Variants in CPNE4 observed in about 807,000 individuals in gnomAD.
The protein encoded by CPNE4 is copine-4.
In CPNE4, 25 loss-of-function variants were observed where a neutral mutation model predicts 67.9. The observed-to-expected ratio is 0.37, with a 90% CI of 0.27 to 0.51. CPNE4 has a LOEUF of 0.51. Ranked by LOEUF, CPNE4 falls within the 20% of genes least tolerant of loss-of-function variation. The probability of loss-of-function intolerance (pLI) is 0.93; values close to 1 mark genes in which losing one functional copy is unlikely to be tolerated. For missense variants in CPNE4, 464 were observed against 690.8 expected, an observed-to-expected ratio of 0.67 and a Z score of 3.68; for synonymous variants, 242 against 244.9, an observed-to-expected ratio of 0.99 and a Z score of 0.11.
intron 3 of CPNE4, among the ~76,000 whole-genome samples, chr3:131,714,340 G>C (rs570131239): frequency 7.5e-4 from 114 of 152,140 alleles, no homozygotes; most frequent in Non-Finnish European, 1.3e-3. Context: ...ATGTCAGGAA[G>C]GAAACCAATG....
chr3:131,947,870 T>C (rs1052495447), intron 1 of CPNE4, among the ~76,000 whole-genome samples: 3 of 152,150 alleles, frequency 2.0e-5, no homozygotes, highest in African/African-American at 7.2e-5. Flanking sequence ...AAAAGTGTTC[T>C]TATTTATCCA....
At chr3:131,904,422 C>G (rs769425897) in intron 2 of CPNE4, among the ~76,000 whole-genome samples, 1 of 152,132 alleles carries the variant, frequency 6.6e-6, no homozygotes, top group Non-Finnish European at 1.5e-5. Flanking sequence ...GAACGAGTCA[C>G]TTCTTCAGTC....
intron 1 of CPNE4, among the ~76,000 whole-genome samples, chr3:132,022,995 T>TAATG (rs2074030029): frequency 6.6e-6 from 1 of 152,210 alleles, no homozygotes; most frequent in Non-Finnish European, 1.5e-5. Context: ...CAGTTAAACT[T>TAATG]AATGATGCTA....
At chr3:131,945,188 T>C (rs934960853) in intron 1 of CPNE4, among the ~76,000 whole-genome samples, 1 of 105,160 alleles carries the variant, frequency 9.5e-6, no homozygotes, top group Non-Finnish European at 1.9e-5. Context: ...CCACATACTA[T>C]ACCAGATACT....
intron 2 of CPNE4, among the ~76,000 whole-genome samples, chr3:131,752,849 G>A (rs1008697205): frequency 6.6e-6 from 1 of 152,034 alleles, no homozygotes; most frequent in African/African-American, 2.4e-5. Context: ...CGAATTTAGT[G>A]CAATTGTAAT....
At chr3:131,577,289 A>G (rs1282336597) in intron 9 of CPNE4, among the ~76,000 whole-genome samples, 4 of 151,460 alleles carry the variant, frequency 2.6e-5, no homozygotes. Flanking sequence ...ACACACATAA[A>G]CACACACATA....
chr3:131,682,266 C>T (rs892078606), intron 6 of CPNE4, among the ~76,000 whole-genome samples: 9 of 152,058 alleles, frequency 5.9e-5, no homozygotes, highest in African/African-American at 2.2e-4. Flanking sequence ...CTTGTTTGTA[C>T]CATCCTTCTT....
chr3:131,773,944 T>C (rs2083231535), intron 2 of CPNE4, among the ~76,000 whole-genome samples: 1 of 152,196 alleles, frequency 6.6e-6, no homozygotes, highest in African/African-American at 2.4e-5. Flanking sequence ...AACCATTTCC[T>C]ATTGCTGGAC....
At chr3:131,756,071 C>T (rs1470557557) in intron 2 of CPNE4, among the ~76,000 whole-genome samples, 1 of 152,102 alleles carries the variant, frequency 6.6e-6, no homozygotes, top group South Asian at 2.1e-4. Flanking sequence ...AGGGTTTAGT[C>T]AGTGTCTATA....
At chr3:131,757,255 T>C (rs2082773384) in intron 2 of CPNE4, among the ~76,000 whole-genome samples, 1 of 152,210 alleles carries the variant, frequency 6.6e-6, no homozygotes, top group African/African-American at 2.4e-5. Flanking sequence ...TAGAGACTTG[T>C]TGAATGGCTT....
chr3:131,838,948 T>C (rs960402809), intron 2 of CPNE4, among the ~76,000 whole-genome samples: 2 of 151,932 alleles, frequency 1.3e-5, no homozygotes, highest in Non-Finnish European at 2.9e-5. Context: ...ATATTCTTAG[T>C]TTTCAGCTAA....
intron 2 of CPNE4, among the ~76,000 whole-genome samples, chr3:131,766,684 A>C (rs1330613496): frequency 6.6e-6 from 1 of 152,148 alleles, no homozygotes. Flanking sequence ...TGTTATAAAA[A>C]TTAGAATTCT....
chr3:132,004,928 C>A (rs1227036740), intron 1 of CPNE4, among the ~76,000 whole-genome samples: 1 of 152,050 alleles, frequency 6.6e-6, no homozygotes, highest in East Asian at 1.9e-4. Context: ...AGAATAGATT[C>A]TTTTGGGCTC....
chr3:131,750,619 T>G (rs1250388982), intron 2 of CPNE4, among the ~76,000 whole-genome samples: 4 of 152,130 alleles, frequency 2.6e-5, no homozygotes, highest in Non-Finnish European at 5.9e-5. Flanking sequence ...TCTTAAATAT[T>G]TTCTCTACAT....
chr3:131,636,383 C>G (rs927464441), intron 7 of CPNE4, among the ~76,000 whole-genome samples: 6 of 152,082 alleles, frequency 3.9e-5, no homozygotes, highest in African/African-American at 1.4e-4. Context: ...TCCTCTATTT[C>G]TCTGGTGACC....
chr3:131,609,825 A>G (rs1468294526), intron 7 of CPNE4, among the ~76,000 whole-genome samples: 4 of 152,156 alleles, frequency 2.6e-5, no homozygotes, highest in Non-Finnish European at 5.9e-5. Flanking sequence ...GGTTGACCAT[A>G]TAGTAAAATG....
chr3:132,031,260 T>C (rs2074227867), intron 1 of CPNE4, among the ~76,000 whole-genome samples: 1 of 152,248 alleles, frequency 6.6e-6, no homozygotes, highest in Admixed American at 6.5e-5. Context: ...TTTGTAAATC[T>C]AGTGTACTGG....
chr3:131,894,261 T>C (rs1426148556), intron 2 of CPNE4, among the ~76,000 whole-genome samples: 1 of 151,954 alleles, frequency 6.6e-6, no homozygotes, highest in Non-Finnish European at 1.5e-5. Flanking sequence ...CCTGATGGCC[T>C]TACTGCTGAA....
At chr3:131,818,750 TAGGA>T (rs766683420) in intron 2 of CPNE4, among the ~76,000 whole-genome samples, 5 of 152,216 alleles carry the variant, frequency 3.3e-5, no homozygotes, top group Non-Finnish European at 7.3e-5. Flanking sequence ...ATCCCCATTT[TAGGA>T]AGTTGTTGAG....
Sources: gnomAD v4.1 joint callset for allele counts (sites outside exome capture counted in the v4.1 genomes callset) on GRCh38, gnomAD v4.1.1 for gene constraint, MANE v1.5 for transcripts, NCBI Gene and HGNC (gene_info 2026-07-23, HGNC 2026-07-21) for gene names.